Variants in GNAS observed in about 807,000 individuals in gnomAD.
The protein encoded by GNAS is GNAS complex locus.
Under a neutral mutation model 54.5 loss-of-function variants are expected in GNAS, and 8 were observed. The ratio of observed to expected loss-of-function variants is 0.15; its 90% CI spans 0.09 to 0.26. GNAS has a LOEUF of 0.26. GNAS is among the 10% of genes least tolerant of loss of function. GNAS has a pLI of 1.00. For synonymous variants in GNAS, 204 were observed against 191.4 expected (o/e 1.07, Z -0.54); for missense variants, 170 against 529.8 (o/e 0.32, Z 6.67).
chr20:58,840,758 C>T, upstream of GNAS: 1 of 1,607,066 alleles, frequency 6.2e-7, no homozygotes, highest in Non-Finnish European at 8.5e-7. This position sits in a 1 kb window ranked among gnomAD's most constrained non-coding sequence, Gnocchi z 6.0. Flanking sequence ...GCAGCGGCGT[C>T]GCTGCAAGCC....
chr20:58,861,156 GAAC>G (rs1321367311), intron 1 of GNAS, among the ~76,000 whole-genome samples: 2 of 152,094 alleles, frequency 1.3e-5, no homozygotes, highest in African/African-American at 2.4e-5. Context: ...CATCAGTAGT[GAAC>G]AACAATTCGT....
intron 1 of GNAS, chr20:58,854,078 C>G: frequency 6.2e-7 from 1 of 1,612,014 alleles, no homozygotes; most frequent in Non-Finnish European, 8.5e-7. Context: ...CCGCCGCGAA[C>G]GCGCCTCCCC....
At chr20:58,891,240 AGCCGCC>A (rs530801993), upstream of GNAS, 10 of 141,756 alleles carry the variant, frequency 7.1e-5, no homozygotes, top group South Asian at 3.9e-4. Context: ...CCGCCCTCCC[AGCCGCC>A]GCCGCCGCCG....
chr20:58,892,277 G>A lies in GNAS; in HGVS notation c.139+412G>A, dbSNP rs2145931244. The A allele has an allele frequency of 4.1e-6, 3 of 733,510 alleles. No individual in the cohort carries two copies. The Admixed American group carries it at 1.9e-4, about 46-fold the overall frequency. 45.4% of individuals were successfully genotyped at this position (733,510 alleles called of 1,614,324 possible). On this transcript the variant is annotated intron_variant, in intron 1 of 12. Coordinates refer to ENST00000371085, the MANE Select transcript of GNAS (RefSeq NM_000516.7). ...AGACTGCGACAAAAAGAGGGTTTCG[G>A]GGACAGGAAACCGGGTGGCGGGTAG...
rs550485147 is a variant in GNAS, at chr20:58,875,204, G to A, written c.44-20408G>A. 4.3e-4 allele frequency among the ~76,000 whole-genome samples: 66 copies of A among 152,230 alleles called. 1 individual carries two copies. Among genetic ancestry groups the A allele is most frequent in the African/African-American group, 1.3e-3 (56 of 41,548 alleles). Reference sequence around the variant, plus strand: ...TTGTGGCTTCTTAAAAATTGCCACCGAAACAAGAATGCCTGAATTTTGTGT... The same window carrying A: ...TTGTGGCTTCTTAAAAATTGCCACCAAAACAAGAATGCCTGAATTTTGTGT... On this transcript the variant is annotated intron_variant, in intron 1 of 12. Transcript: ENST00000306090.
chr20:58,841,550 C>G lies in GNAS; in HGVS notation c.43+664C>G. 1.0e-6 allele frequency: 1 copy of G among 996,806 alleles called. No homozygotes were observed. Among genetic ancestry groups the G allele is most frequent in the Non-Finnish European group, 1.2e-6 (1 of 837,984 alleles). 61.7% of individuals were successfully genotyped at this position (996,806 alleles called of 1,614,324 possible). On this transcript the variant is annotated intron_variant, in intron 1 of 12. Transcript: ENST00000306090. This position sits in a 1 kb window ranked among gnomAD's most constrained non-coding sequence, Gnocchi z 5.0. ...TCCAGCTGCCGTGCGCCAGCCTTGGCCGCCACAGCCCGCCTCCCGTCGCTC... is the reference window on the plus strand; with the variant it reads ...TCCAGCTGCCGTGCGCCAGCCTTGGGCGCCACAGCCCGCCTCCCGTCGCTC...
In GNAS at chr20:58,863,184, G is replaced by A. The variant is rs752352440; in HGVS notation, c.43+22298G>A. 3.9e-5 allele frequency among the ~76,000 whole-genome samples: 6 copies of A among 152,096 alleles called. No individual in the cohort carries two copies. The highest frequency in any genetic ancestry group is 2.9e-5 in the Non-Finnish European group (2 of 68,018). On this transcript the variant is annotated intron_variant, in intron 1 of 12. Coordinates refer to the GNAS transcript ENST00000306090. The surrounding 1 kb of genome is among the most constrained non-coding windows in gnomAD (Gnocchi z 4.1). ...CCTTTCAAGTTAGAATCAGTGGAGC[G>A]CTTTTCTACATGCAACAACTGGGAG...
In GNAS at chr20:58,841,603, T is replaced by C; in HGVS notation, c.43+717T>C. 7.8e-6 allele frequency: 8 copies of C among 1,026,732 alleles called. No individual in the cohort carries two copies. Among genetic ancestry groups the C allele is most frequent in the Non-Finnish European group, 9.3e-6 (8 of 857,366 alleles). 63.6% of individuals were successfully genotyped at this position (1,026,732 alleles called of 1,614,324 possible). On this transcript the variant is annotated intron_variant, in intron 1 of 12. Coordinates refer to the GNAS transcript ENST00000306090. The surrounding 1 kb of genome is among the most constrained non-coding windows in gnomAD (Gnocchi z 5.0). ...GGGACAGAGACCGCCTCAAAGAGCG[T>C]GCGCACCTGCCCGCGCGCGCCGGAG...
Position 58,903,663 on chromosome 20 carries a change from C to A in GNAS, c.313-9C>A. ...CTGTTCCCTGACCGCTTTGCTAAAT[C>A]ATTTTCAGACCATTGTGGCCGCCAT... On this transcript the variant is annotated splice_polypyrimidine_tract_variant and intron_variant, in intron 4 of 12. Coordinates refer to ENST00000371085, the MANE Select transcript of GNAS (RefSeq NM_000516.7). 2 of 1,614,138 alleles carry A rather than the reference C, an allele frequency of 1.2e-6. No homozygotes were observed. Among genetic ancestry groups the A allele is most frequent in the Non-Finnish European group, 1.7e-6 (2 of 1,180,014 alleles).
chr20:58,888,957 C>A, upstream of GNAS: 1 of 474,560 alleles, frequency 2.1e-6, no homozygotes, highest in Non-Finnish European at 2.7e-6. Flanking sequence ...CGCCCGCGCC[C>A]CCCGCCATCG....
upstream of GNAS, chr20:58,840,364 C>G (rs375054629): frequency 4.3e-6 from 7 of 1,613,206 alleles, no homozygotes; most frequent in Non-Finnish European, 5.9e-6. The surrounding 1 kb of genome is among the most constrained non-coding windows in gnomAD (Gnocchi z 6.0). Context: ...AATCTGACCA[C>G]GAGCACGAGG....
intron 1 of GNAS, among the ~76,000 whole-genome samples, chr20:58,869,550 G>T (rs1268456304): frequency 6.6e-6 from 1 of 152,172 alleles, no homozygotes; most frequent in African/African-American, 2.4e-5. Flanking sequence ...GAAATCTAAG[G>T]GGCCTACCTG....
intron 1 of GNAS, chr20:58,842,283 T>G (rs1485088528): frequency 2.5e-6 from 1 of 397,962 alleles, no homozygotes; most frequent in East Asian, 3.6e-5. Context: ...ATTGATTTTT[T>G]TTTTCCTGGT....
At chr20:58,840,187 G>GGCAGCCACCGC, upstream of GNAS, 7 of 1,611,352 alleles carry the variant, frequency 4.3e-6, no homozygotes, top group Non-Finnish European at 5.9e-6. This position sits in a 1 kb window ranked among gnomAD's most constrained non-coding sequence, Gnocchi z 6.0. Flanking sequence ...TAGGCCGCCG[G>GGCAGCCACCGC]GCAGCCACCG....
chr20:58,907,480 G>A (rs1057300503), intron 6 of GNAS, among the ~76,000 whole-genome samples: 6 of 152,142 alleles, frequency 3.9e-5, no homozygotes, highest in Admixed American at 1.3e-4. Context: ...CAAGTCAGAA[G>A]TTAAGTACAG....
chr20:58,852,091 C>T (rs865774620), intron 1 of GNAS, among the ~76,000 whole-genome samples: 4 of 152,102 alleles, frequency 2.6e-5, no homozygotes, highest in African/African-American at 2.4e-5. Flanking sequence ...CTGCGCAGCA[C>T]GCCCCCCACC....
rs2086536161 is a variant in GNAS at position 58,856,814 on chromosome 20, A to G, written c.43+15928A>G. On this transcript the variant is annotated intron_variant, in intron 1 of 12. Coordinates refer to the GNAS transcript ENST00000306090. This position sits in a 1 kb window ranked among gnomAD's most constrained non-coding sequence, Gnocchi z 4.2. ...ACCTTCCCCCTCCTCCTCTGCTCAC[A>G]TTTCCCCACCTCTCGGTGCCCTCCC... 6.6e-6 allele frequency: 1 copy of G among 150,476 alleles called. No individual in the cohort carries two copies. The highest frequency in any genetic ancestry group is 2.1e-4 in the South Asian group (1 of 4,706). 9.3% of individuals were successfully genotyped at this position (150,476 alleles called of 1,614,324 possible). A position where few individuals can be genotyped will look rare whatever the true frequency, so the allele number is the denominator to read the frequency against.
chr20:58,900,115 T>C lies in GNAS; in HGVS notation c.257+1130T>C, dbSNP rs1048389248. ...GCCCCTGCTACCTGACCTTAAACGATGATTGAAAAAACGAAAAATGAACTG... is the reference window on the plus strand; with the variant it reads ...GCCCCTGCTACCTGACCTTAAACGACGATTGAAAAAACGAAAAATGAACTG... On this transcript the variant is annotated intron_variant, in intron 3 of 12. Coordinates refer to ENST00000371085, the MANE Select transcript of GNAS (RefSeq NM_000516.7). The C allele has an allele frequency of 1.8e-4, 102 of 569,530 alleles. No homozygotes were observed. The Middle Eastern group carries it at 3.2e-3, about 18-fold the overall frequency. The allele number at this position is 569,530 out of a possible 1,614,324, so 35.3% of individuals were successfully genotyped here. A position where few individuals can be genotyped will look rare whatever the true frequency, so the allele number is the denominator to read the frequency against.
At chr20:58,896,643 AAAAAC>A (rs1252865362) in intron 2 of GNAS, among the ~76,000 whole-genome samples, 6 of 152,092 alleles carry the variant, frequency 3.9e-5, no homozygotes, top group Admixed American at 3.3e-4. Flanking sequence ...AAGAAAAAGA[AAAAAC>A]AAAACAAAAA....
Sources: allele counts gnomAD v4.1 joint callset (sites outside exome capture counted in the v4.1 genomes callset), GRCh38; gene constraint gnomAD v4.1.1; non-coding constraint Gnocchi (gnomAD v3.1); transcripts MANE v1.5; gene names NCBI Gene and HGNC (gene_info 2026-07-23, HGNC 2026-07-21).